Variants in PGBD2 observed in about 807,000 individuals in gnomAD.
The protein encoded by PGBD2 is piggyBac transposable element-derived protein 2.
Under a neutral mutation model 8.1 loss-of-function variants are expected in PGBD2, and 6 were observed. That is an observed-to-expected ratio of 0.74 (90% CI 0.40 to 1.46). The LOEUF (loss-of-function observed/expected upper bound fraction) is 1.46. PGBD2 is among the 40% of genes most tolerant of loss of function. The probability of loss-of-function intolerance (pLI) is 0.02; values close to 1 mark genes in which losing one functional copy is unlikely to be tolerated. For missense variants in PGBD2, 802 were observed against 739.0 expected (o/e 1.09, Z -0.99); for synonymous variants, 318 against 272.2 (o/e 1.17, Z -1.66).
downstream of PGBD2, chr1:248,919,658 G>T (rs150262410): frequency 3.6e-5 from 6 of 166,604 alleles, no homozygotes; most frequent in East Asian, 7.7e-4. Flanking sequence ...TTTTGAGGAA[G>T]CTTCAAACTG....
At chr1:248,896,572 G>C in the PGBD2 span, among the ~76,000 whole-genome samples, 1 of 152,110 alleles carries the variant, frequency 6.6e-6, no homozygotes, top group East Asian at 1.9e-4. Flanking sequence ...AGCCTCCTGA[G>C]TAGCAGCACA....
chr1:248,878,462 C>T, the PGBD2 span, among the ~76,000 whole-genome samples: 1 of 152,192 alleles, frequency 6.6e-6, no homozygotes, highest in African/African-American at 2.4e-5. Flanking sequence ...CAGGCGTGAG[C>T]CACCGCACCT....
chr1:248,874,410 A>G, the PGBD2 span, among the ~76,000 whole-genome samples: 1 of 152,144 alleles, frequency 6.6e-6, no homozygotes, highest in African/African-American at 2.4e-5. Flanking sequence ...AAAGGGCAAA[A>G]CGCACCTGGT....
the PGBD2 span, among the ~76,000 whole-genome samples, chr1:248,873,491 T>C: frequency 0.094 from 14,283 of 152,266 alleles, 1,017 homozygotes; most frequent in East Asian, 0.21. Context: ...TGGCAAGCGT[T>C]TTTCCAACTA....
chr1:248,884,716 A>G, the PGBD2 span, among the ~76,000 whole-genome samples: 465 of 152,356 alleles, frequency 3.1e-3, 3 homozygotes, highest in African/African-American at 0.011. Flanking sequence ...GCAGGGGCTT[A>G]TAGGTTATAG....
rs1183210505 is a variant in PGBD2 at position 248,917,928 on chromosome 1, C to T, written c.1344C>T (p.His448=). Residue 448 remains histidine (H), a synonymous_variant, in exon 3 of 3, where the codon CAC becomes CAT. Coordinates refer to ENST00000329291, the MANE Select transcript of PGBD2 (RefSeq NM_170725.3). ...CAGCTAAAACGCGGACTCAGGTCCACCAGCCATCACTGGTGAAGCTGTATC... is the reference window on the plus strand; with the variant it reads ...CAGCTAAAACGCGGACTCAGGTCCATCAGCCATCACTGGTGAAGCTGTATC... ...SGAAKTRTQV[H]QPSLVKLYQE... The T allele has an allele frequency of 5.0e-6, 8 of 1,614,200 alleles. No individual in the cohort carries two copies. The highest frequency in any genetic ancestry group is 5.9e-6 in the Non-Finnish European group (7 of 1,180,042).
At chr1:248,894,254 T>C in the PGBD2 span, among the ~76,000 whole-genome samples, 1 of 152,192 alleles carries the variant, frequency 6.6e-6, no homozygotes, top group East Asian at 1.9e-4. Context: ...TAGTTTGATA[T>C]AGTCCCACTT....
chr1:248,899,797 GAA>G, the PGBD2 span, among the ~76,000 whole-genome samples: 80 of 125,884 alleles, frequency 6.4e-4, no homozygotes, highest in African/African-American at 2.1e-3. Flanking sequence ...TTTTTTTTGG[GAA>G]AAAAAAAAAA....
At chr1:248,907,669 T>G (rs963131373) in intron 1 of PGBD2, among the ~76,000 whole-genome samples, 6 of 152,220 alleles carry the variant, frequency 3.9e-5, no homozygotes. Flanking sequence ...GCATACTGCT[T>G]GTAAACATTT....
chr1:248,922,501 G>C (rs1459001261), downstream of PGBD2, among the ~76,000 whole-genome samples: 1 of 152,188 alleles, frequency 6.6e-6, no homozygotes, highest in Admixed American at 6.5e-5. Context: ...GTGTTGAATA[G>C]GAGTGGCAAG....
At chr1:248,882,954 A>G in the PGBD2 span, among the ~76,000 whole-genome samples, 32 of 152,300 alleles carry the variant, frequency 2.1e-4, no homozygotes, top group African/African-American at 5.8e-4. Context: ...GGTGCATTAT[A>G]TTTTAGAAAG....
chr1:248,927,803 T>A, the PGBD2 span, among the ~76,000 whole-genome samples: 1 of 152,000 alleles, frequency 6.6e-6, no homozygotes, highest in Non-Finnish European at 1.5e-5. Flanking sequence ...TAGAGAAAGG[T>A]AGAAAAAATA....
At chr1:248,902,163 G>A (rs1661545216), upstream of PGBD2, among the ~76,000 whole-genome samples, 1 of 151,930 alleles carries the variant, frequency 6.6e-6, no homozygotes, top group Admixed American at 6.6e-5. Flanking sequence ...TAGCTACTTG[G>A]GAGGCTGAGG....
chr1:248,916,566 A>G (rs1326551242), intron 2 of PGBD2, 36 bp from the exon 3 acceptor site: 16 of 1,584,126 alleles, frequency 1.0e-5, no homozygotes, highest in Non-Finnish European at 1.4e-5. Flanking sequence ...GCTTTCTGGC[A>G]TGGCCTCTTC....
chr1:248,880,063 T>C, the PGBD2 span, among the ~76,000 whole-genome samples: 1 of 152,206 alleles, frequency 6.6e-6, no homozygotes, highest in Non-Finnish European at 1.5e-5. Context: ...TGGAAGCTGA[T>C]CCTTCCATAA....
the PGBD2 span, among the ~76,000 whole-genome samples, chr1:248,882,318 T>C: frequency 6.6e-6 from 1 of 152,212 alleles, no homozygotes; most frequent in African/African-American, 2.4e-5. Flanking sequence ...GAAGTAATTC[T>C]TTAACATAAC....
chr1:248,882,544 T>C, the PGBD2 span, among the ~76,000 whole-genome samples: 1 of 152,122 alleles, frequency 6.6e-6, no homozygotes, highest in African/African-American at 2.4e-5. Flanking sequence ...CCAGAAATTC[T>C]CAGAAGGGAG....
At chr1:248,880,965 A>G in the PGBD2 span, among the ~76,000 whole-genome samples, 2 of 152,100 alleles carry the variant, frequency 1.3e-5, no homozygotes, top group Admixed American at 1.3e-4. Context: ...GTATAATATT[A>G]TTAGTGACTT....
chr1:248,906,541 G>T (rs1295155892), intron 1 of PGBD2, 199 bp downstream of exon 1: 2 of 150,612 alleles, frequency 1.3e-5, no homozygotes, highest in African/African-American at 4.9e-5. Flanking sequence ...GCGGGTTGGG[G>T]TGCGAGGCCG....
Sources: gnomAD v4.1 joint callset for allele counts (sites outside exome capture counted in the v4.1 genomes callset) on GRCh38, gnomAD v4.1.1 for gene constraint, MANE v1.5 for transcripts, NCBI Gene and HGNC (gene_info 2026-07-23, HGNC 2026-07-21) for gene names.